Variants in PADI3 observed in about 807,000 individuals in gnomAD.
PADI3 encodes the protein peptidyl arginine deiminase 3, also known as protein-arginine deiminase type-3.
PADI3 carries 53 observed loss-of-function variants against 71.5 expected under a neutral mutation model. That is an observed-to-expected ratio of 0.74 (90% CI 0.59 to 0.93). The LOEUF (loss-of-function observed/expected upper bound fraction) is 0.93, where lower values mean the gene tolerates loss of function less well. Ranked by LOEUF, PADI3 falls within the 40% of genes least tolerant of loss-of-function variation. The pLI is 0.00. For synonymous variants in PADI3, 361 were observed against 347.5 expected, an observed-to-expected ratio of 1.04 and a Z score of -0.43; for missense variants, 821 against 868.0, an observed-to-expected ratio of 0.95 and a Z score of 0.68.
At position 17,270,324 on chromosome 1, in the gene PADI3, C is replaced by T. The variant is rs1432346306; in HGVS notation, c.744C>T (p.Arg248=). The T allele has an allele frequency of 9.9e-6, 16 of 1,613,918 alleles. No individual in the cohort carries two copies. Among genetic ancestry groups the T allele is most frequent in the Admixed American group, 1.7e-5 (1 of 59,976 alleles). Residue 248 remains arginine, a synonymous_variant, in exon 7 of 16, where the codon CGC becomes CGT. Transcript: ENST00000375460. ...EVPRLHGDEE[R]FFVEGLSFPD... is the part of the protein sequence containing the mutation. ...CCCGCTTGCATGGGGATGAGGAGCG[C>T]TTCTTCGTGGAAGGCCTGTCCTTCC...
rs1318718667 is a variant in PADI3 at position 17,276,512 on chromosome 1, G to A, written c.1308-7G>A. On this transcript the variant is annotated splice_region_variant and splice_polypyrimidine_tract_variant and intron_variant, in intron 11 of 15. Coordinates refer to ENST00000375460, the MANE Select transcript of PADI3 (RefSeq NM_016233.2). ...AGCAACTTTTTTTTTAACCTCGTGG[G>A]TCCCAGGTCAAGTGGCCGCAGGGTC... 8 of 1,613,442 alleles carry A rather than the reference G, an allele frequency of 5.0e-6. No homozygotes were observed. In the Admixed American group the frequency reaches 1.0e-4, roughly 20 times the overall value.
At chr1:17,252,771 G>A (rs1013741751) in intron 1 of PADI3, among the ~76,000 whole-genome samples, 1 of 152,172 alleles carries the variant, frequency 6.6e-6, no homozygotes, top group South Asian at 2.1e-4. Flanking sequence ...CCATCCTCAG[G>A]GCCTCTGTCA....
In PADI3 at chr1:17,271,190, C is replaced by T. The variant is rs368643899; in HGVS notation, c.1047+12C>T. ...ACCGCTGGATCCAGGTAACCACAGC[C>T]ACTGGGCAGGGCCCAGCAAGGACGC... is the stretch of plus-strand genomic sequence containing the variant. On this transcript the variant is annotated intron_variant, in intron 9 of 15. Transcript: ENST00000375460. 1.2e-6 allele frequency: 2 copies of T among 1,608,284 alleles called. No homozygotes were observed. Among genetic ancestry groups the T allele is most frequent in the African/African-American group, 2.7e-5 (2 of 74,812 alleles).
chr1:17,277,447 G>A (rs937906867), intron 13 of PADI3, among the ~76,000 whole-genome samples: 3 of 152,116 alleles, frequency 2.0e-5, no homozygotes, highest in Admixed American at 6.5e-5. Flanking sequence ...AGCCCGCCTC[G>A]GCCTCTCAAA....
chr1:17,277,569 C>T (rs1376860125), intron 13 of PADI3, among the ~76,000 whole-genome samples: 1 of 152,234 alleles, frequency 6.6e-6, no homozygotes, highest in African/African-American at 2.4e-5. Flanking sequence ...AGCCTCTGCT[C>T]AGGCACAGTC....
At chr1:17,249,956 C>T (rs542514620) in intron 1 of PADI3, among the ~76,000 whole-genome samples, 99 of 152,364 alleles carry the variant, frequency 6.5e-4, no homozygotes, top group Non-Finnish European at 1.1e-3. Flanking sequence ...AACCTGGTTT[C>T]CTCTAGACAC....
chr1:17,252,386 T>G (rs2072976558), intron 1 of PADI3, among the ~76,000 whole-genome samples: 1 of 139,536 alleles, frequency 7.2e-6, no homozygotes, highest in Non-Finnish European at 1.5e-5. Context: ...AGAAAGCTGC[T>G]TTCTTTTCTT....
intron 1 of PADI3, among the ~76,000 whole-genome samples, chr1:17,255,931 C>T (rs1010874448): frequency 6.6e-6 from 1 of 152,186 alleles, no homozygotes; most frequent in African/African-American, 2.4e-5. Context: ...ACCACAGGCT[C>T]AAGTACCTTG....
Position 17,262,088 on chromosome 1 carries a change from G to A in PADI3, c.274-45G>A, listed in dbSNP as rs531506386. On this transcript the variant is annotated intron_variant, in intron 2 of 15. Coordinates refer to ENST00000375460, the MANE Select transcript of PADI3 (RefSeq NM_016233.2). Reference sequence around the variant, plus strand: ...CCGAGAGCTATCTTTTGGGGCGGGAGCTCTTGGCTTCTGCTGGTATTACTC... The same window carrying A: ...CCGAGAGCTATCTTTTGGGGCGGGAACTCTTGGCTTCTGCTGGTATTACTC... 3.8e-6 allele frequency: 6 copies of A among 1,562,370 alleles called. No individual in the cohort carries two copies. In the South Asian group the frequency reaches 5.6e-5, roughly 15 times the overall value.
chr1:17,252,602 C>A (rs1183589824), intron 1 of PADI3, among the ~76,000 whole-genome samples: 2 of 152,028 alleles, frequency 1.3e-5, no homozygotes, highest in Admixed American at 1.3e-4. Flanking sequence ...TGGGGTTTTG[C>A]CATGTTGCCC....
chr1:17,270,907 A>T lies in PADI3; in HGVS notation c.860A>T (p.Asp287Val), dbSNP rs1280621169. ...TTCTCGGCATCCCCTATCTTCACTG[A>T]CACTGTGGTGTTCCGAGTGGCACCC... ...EDFSASPIFT[D>V]TVVFRVAPWI... The change falls in exon 8 of 16, where the codon GAC (aspartate) becomes GTC (valine). Residue 287 changes from aspartate (D) to valine (V), a missense_variant. By Grantham distance (152) the Asp-to-Val change is radical. Transcript: ENST00000375460. The T allele has an allele frequency of 6.2e-7, 1 of 1,613,794 alleles. No individual in the cohort carries two copies. The highest frequency in any genetic ancestry group is 1.7e-5 in the Admixed American group (1 of 59,988).
Position 17,273,400 on chromosome 1 carries a change from T to TC in PADI3, c.1112dup (p.Arg372LysfsTer102). On this transcript the variant is annotated frameshift_variant, in exon 10 of 16. Transcript: ENST00000375460. LOFTEE classifies it high-confidence loss of function. ...CAAGACCCTCCCGGTGGTCTTTGAC[T>TC]CCCCAAGGAATGGGGAACTGCAGGA... 6.2e-7 allele frequency: 1 copy of TC among 1,613,566 alleles called. No individual in the cohort carries two copies. The highest frequency in any genetic ancestry group is 1.1e-5 in the South Asian group (1 of 91,000).
rs1490331982 is a variant in PADI3, at chr1:17,272,760, A to G, written c.1048-580A>G. ...CAATCCTCCCGCCTCACCCTCCCAA[A>G]GTGCTGGGATTATAGGTGTGAGCCA... On this transcript the variant is annotated intron_variant, in intron 9 of 15. Coordinates refer to ENST00000375460, the MANE Select transcript of PADI3 (RefSeq NM_016233.2). 5.9e-5 allele frequency among the ~76,000 whole-genome samples: 9 copies of G among 152,120 alleles called. No homozygotes were observed. The South Asian group carries it at 8.3e-4, about 14-fold the overall frequency.
intron 9 of PADI3, 51 bp downstream of exon 9, chr1:17,271,229 G>C (rs1302110571): frequency 1.3e-6 from 2 of 1,481,826 alleles, no homozygotes; most frequent in East Asian, 2.3e-5. Context: ...CCTGGAGAGA[G>C]AGGCCTTCAT....
At chr1:17,270,717 C>A (rs1192560694) in intron 7 of PADI3, among the ~76,000 whole-genome samples, 162 bp from the exon 8 acceptor site, 5 of 152,098 alleles carry the variant, frequency 3.3e-5, no homozygotes, top group Non-Finnish European at 7.4e-5. Context: ...CCAGGCACCA[C>A]TGGTGTGAAA....
intron 13 of PADI3, 104 bp from the exon 14 acceptor site, chr1:17,280,246 G>A: frequency 2.3e-6 from 2 of 878,670 alleles, no homozygotes; most frequent in South Asian, 1.4e-5. Context: ...GACTCGGCAA[G>A]ACCATTAGCT....
chr1:17,276,689 T>C, intron 12 of PADI3, 26 bp downstream of exon 12: 7 of 1,613,958 alleles, frequency 4.3e-6, no homozygotes, highest in Non-Finnish European at 5.9e-6. Flanking sequence ...ATGACGTGTC[T>C]TTCCCTGGCA....
chr1:17,266,830 C>T lies in PADI3; in HGVS notation c.520C>T (p.Leu174=), dbSNP rs781020832. ...QDNCDQHVHC[L]QDLEDMSVMV... is the part of the protein sequence containing the mutation. ...CAATTGTGACCAGCACGTGCACTGC[C>T]TGCAAGGTGAGGCCGGGGCAGCCTG... is the stretch of plus-strand genomic sequence containing the variant. The change falls in exon 5 of 16, where the codon CTG becomes TTG. Residue 174 remains leucine (L), a synonymous_variant. Transcript: ENST00000375460. 4.3e-6 allele frequency: 7 copies of T among 1,612,448 alleles called. No homozygotes were observed. In the African/African-American group the frequency reaches 8.0e-5, roughly 18 times the overall value.
Position 17,279,095 on chromosome 1 carries a change from C to T in PADI3, c.1556-1255C>T, listed in dbSNP as rs542832732. 1.9e-3 allele frequency among the ~76,000 whole-genome samples: 295 copies of T among 152,236 alleles called. 1 individual carries two copies. Among genetic ancestry groups the T allele is most frequent in the Middle Eastern group, 6.8e-3 (2 of 294 alleles). ...CTGGGAGAACTTATGGTGAGCAAGA[C>T]CCAGGAATGGGTTGAGCAGAGTTAT... On this transcript the variant is annotated intron_variant, in intron 13 of 15. Coordinates refer to ENST00000375460, the MANE Select transcript of PADI3 (RefSeq NM_016233.2).
Sources: gnomAD v4.1 joint callset for allele counts (sites outside exome capture counted in the v4.1 genomes callset) on GRCh38, gnomAD v4.1.1 for gene constraint, MANE v1.5 for transcripts, NCBI Gene and HGNC (gene_info 2026-07-23, HGNC 2026-07-21) for gene names.